TTC6: variants seen among roughly 807,000 people sequenced by gnomAD.
TTC6 encodes the protein tetratricopeptide repeat domain 6, also known as tetratricopeptide repeat protein 6.
TTC6 carries 172 observed loss-of-function variants against 210.4 expected under a neutral mutation model. The observed-to-expected ratio is 0.82, with a 90% CI of 0.72 to 0.93. The LOEUF (loss-of-function observed/expected upper bound fraction) is 0.93, where lower values mean the gene tolerates loss of function less well. Among genes scored for constraint, TTC6 ranks in the 40% least tolerant of loss-of-function variants. TTC6 has a pLI of 0.00. For synonymous variants in TTC6, 804 were observed against 819.6 expected (o/e 0.98, Z 0.32); for missense variants, 2,414 against 2,318.1 (o/e 1.04, Z -0.85).
At chr14:37,600,348 A>G (rs2095613235) in intron 1 of TTC6, among the ~76,000 whole-genome samples, 1 of 152,148 alleles carries the variant, frequency 6.6e-6, no homozygotes, top group Admixed American at 6.5e-5. Context: ...CAGAGCAGTG[A>G]TGGAAGCCGA....
chr14:37,665,373 T>A (rs2095745888), intron 1 of TTC6, among the ~76,000 whole-genome samples: 2 of 150,530 alleles, frequency 1.3e-5, no homozygotes, highest in Non-Finnish European at 1.5e-5. Flanking sequence ...TGAAAGCCTT[T>A]ATCCTCAGCA....
At chr14:37,727,901 C>CTTTGTGTTTTATGGATA (rs1287246173) in intron 7 of TTC6, among the ~76,000 whole-genome samples, 2 of 152,046 alleles carry the variant, frequency 1.3e-5, no homozygotes, top group African/African-American at 4.8e-5. Flanking sequence ...TGGATATTTG[C>CTTTGTGTTTTATGGATA]TTTGGGTTGT....
intron 14 of TTC6, among the ~76,000 whole-genome samples, chr14:37,775,308 G>A (rs1446243255): frequency 6.6e-6 from 1 of 152,044 alleles, no homozygotes; most frequent in African/African-American, 2.4e-5. Flanking sequence ...AGTTCCTCTA[G>A]TAGTGATGGT....
chr14:37,787,734 A>C, intron 15 of TTC6, 97 bp downstream of exon 17: 3 of 949,618 alleles, frequency 3.2e-6, no homozygotes, highest in Non-Finnish European at 4.4e-6. Flanking sequence ...CACTAATGTA[A>C]TATGTATACT....
At chr14:37,617,734 G>A (rs942484313), upstream of TTC6, among the ~76,000 whole-genome samples, 4 of 152,006 alleles carry the variant, frequency 2.6e-5, no homozygotes, top group African/African-American at 9.7e-5. Context: ...TGTTTTCCTT[G>A]CAAGGCTGAA....
At chr14:37,617,987 TTCCTA>T (rs2095645459), upstream of TTC6, among the ~76,000 whole-genome samples, 1 of 152,106 alleles carries the variant, frequency 6.6e-6, no homozygotes, top group Non-Finnish European at 1.5e-5. Flanking sequence ...TCTGGGCCCA[TTCCTA>T]ATGTAATACT....
exon 13 of TTC6, chr14:37,751,119 A>C: frequency 6.5e-7 from 1 of 1,533,174 alleles, no homozygotes; most frequent in African/African-American, 1.4e-5. Flanking sequence ...ATTCTAAACT[A>C]TACCCAGGCA....
exon 13 of TTC6, chr14:37,751,132 T>G (rs1200865996): frequency 2.0e-6 from 3 of 1,533,260 alleles, no homozygotes; most frequent in Non-Finnish European, 2.6e-6. Context: ...CCCAGGCAAT[T>G]AAATCCACGC....
At chr14:37,622,349 A>G (rs1259258222) in exon 1 of TTC6, 9 of 1,531,546 alleles carry the variant, frequency 5.9e-6, no homozygotes, top group Non-Finnish European at 7.0e-6. Flanking sequence ...AGGTGCTCGG[A>G]GGCGCGCCGC....
At chr14:37,599,986 C>T (rs1387096197) in intron 1 of TTC6, among the ~76,000 whole-genome samples, 1 of 152,190 alleles carries the variant, frequency 6.6e-6, no homozygotes, top group Non-Finnish European at 1.5e-5. Context: ...CAGCCGATCC[C>T]CCTCCTGGGG....
intron 26 of TTC6, among the ~76,000 whole-genome samples, chr14:37,818,997 A>T (rs554788291): frequency 2.3e-4 from 35 of 152,270 alleles, no homozygotes; most frequent in Non-Finnish European, 4.6e-4. Flanking sequence ...ATTTCTCTGT[A>T]TGTCAGTTCA....
chr14:37,816,988 A>G (rs1023859571), intron 25 of TTC6, among the ~76,000 whole-genome samples: 1 of 152,076 alleles, frequency 6.6e-6, no homozygotes, highest in African/African-American at 2.4e-5. Flanking sequence ...GACTTCCCTA[A>G]CTTCAGATCT....
intron 17 of TTC6, among the ~76,000 whole-genome samples, chr14:37,793,669 G>A (rs1176540969): frequency 6.6e-6 from 1 of 152,198 alleles, no homozygotes; most frequent in African/African-American, 2.4e-5. Flanking sequence ...ACCATCTGCG[G>A]AAGTTGGAGT....
At chr14:37,606,112 A>C (rs2095624670) in intron 1 of TTC6, among the ~76,000 whole-genome samples, 1 of 152,096 alleles carries the variant, frequency 6.6e-6, no homozygotes, top group Admixed American at 6.6e-5. Context: ...TTAGGTTACC[A>C]TGGGTAAGGT....
chr14:37,723,159 T>A (rs1331496587), intron 6 of TTC6, among the ~76,000 whole-genome samples: 1 of 152,190 alleles, frequency 6.6e-6, no homozygotes, highest in Non-Finnish European at 1.5e-5. Flanking sequence ...GGATTTTTTT[T>A]AGAACACTTT....
chr14:37,719,668 G>A (rs563413848), intron 6 of TTC6, among the ~76,000 whole-genome samples: 2 of 151,966 alleles, frequency 1.3e-5, no homozygotes, highest in East Asian at 3.9e-4. Context: ...AAAGAACCCT[G>A]ACCTAAGTCT....
chr14:37,732,930 T>G (rs781227090), intron 7 of TTC6, among the ~76,000 whole-genome samples: 12 of 152,060 alleles, frequency 7.9e-5, no homozygotes, highest in African/African-American at 2.9e-4. Flanking sequence ...TTATACTGAT[T>G]AGGCTGAGGC....
chr14:37,723,951 A>G (rs919486128), intron 6 of TTC6, among the ~76,000 whole-genome samples: 6 of 152,098 alleles, frequency 3.9e-5, no homozygotes, highest in South Asian at 4.1e-4. Context: ...TCAAAGTTCA[A>G]TGGGTTTTTA....
intron 14 of TTC6, among the ~76,000 whole-genome samples, chr14:37,756,472 T>C (rs2095968125): frequency 6.6e-6 from 1 of 152,238 alleles, no homozygotes; most frequent in Non-Finnish European, 1.5e-5. Context: ...CTGTGTGATA[T>C]ATATTATGGG....
Sources: allele counts gnomAD v4.1 joint callset (sites outside exome capture counted in the v4.1 genomes callset), GRCh38; gene constraint gnomAD v4.1.1; transcripts MANE v1.5; gene names NCBI Gene and HGNC (gene_info 2026-07-23, HGNC 2026-07-21).